ZNF385D: variants seen among roughly 807,000 people sequenced by gnomAD.
ZNF385D encodes the protein zinc finger protein 385D.
Under a neutral mutation model 35.8 loss-of-function variants are expected in ZNF385D, and 15 were observed. The observed-to-expected ratio is 0.42, with a 90% CI of 0.28 to 0.64. ZNF385D has a LOEUF of 0.64. Among genes scored for constraint, ZNF385D ranks in the 30% least tolerant of loss-of-function variants. The probability of loss-of-function intolerance (pLI) is 0.23; values close to 1 mark genes in which losing one functional copy is unlikely to be tolerated. For missense variants in ZNF385D, 474 were observed against 494.6 expected, an observed-to-expected ratio of 0.96 and a Z score of 0.39; for synonymous variants, 212 against 186.8, an observed-to-expected ratio of 1.13 and a Z score of -1.10.
At chr3:22,037,110 G>A (rs1463857791) in intron 3 of ZNF385D, among the ~76,000 whole-genome samples, 7 of 151,860 alleles carry the variant, frequency 4.6e-5, no homozygotes, top group South Asian at 2.1e-4. Context: ...CCAGTCTATC[G>A]TTGTTGGGTA....
chr3:22,107,708 T>C (rs1045117816), intron 3 of ZNF385D, among the ~76,000 whole-genome samples: 6 of 152,154 alleles, frequency 3.9e-5, no homozygotes, highest in Non-Finnish European at 8.8e-5. Context: ...TTCCTTCTAG[T>C]CTTTTTTCTG....
At chr3:21,964,427 A>G (rs1386619723) in intron 3 of ZNF385D, among the ~76,000 whole-genome samples, 2 of 87,098 alleles carry the variant, frequency 2.3e-5, no homozygotes, top group East Asian at 3.0e-4. Context: ...AAAAAAAAAA[A>G]AAAAAGAAAA....
intron 3 of ZNF385D, among the ~76,000 whole-genome samples, chr3:22,166,701 T>C (rs770175301): frequency 3.3e-5 from 5 of 152,252 alleles, no homozygotes; most frequent in Non-Finnish European, 7.3e-5. Flanking sequence ...ATACCTACTA[T>C]CGTGGTTTGA....
intron 2 of ZNF385D, among the ~76,000 whole-genome samples, chr3:21,568,113 C>T (rs1267218452): frequency 6.6e-6 from 1 of 151,908 alleles, no homozygotes; most frequent in Non-Finnish European, 1.5e-5. Context: ...TATAGATACA[C>T]CATCAAAAGT....
chr3:21,420,051 CTGT>C lies in ZNF385D; in HGVS notation c.*1160_*1162del, dbSNP rs1388332656. 2 of 151,912 alleles carry C rather than the reference CTGT, an allele frequency of 1.3e-5. No individual in the cohort carries two copies. The highest frequency in any genetic ancestry group is 2.4e-5 in the African/African-American group (1 of 41,346). 9.4% of individuals were successfully genotyped at this position (151,912 alleles called of 1,614,324 possible). A position where few individuals can be genotyped will look rare whatever the true frequency, so the allele number is the denominator to read the frequency against. On this transcript the variant is annotated 3_prime_UTR_variant, in exon 8 of 8. Transcript: ENST00000281523. ...TGCAATTAACTCAGATTCATATTTCCTGTTGTTATTAACATTTAAATATATATT... is the reference window on the plus strand; with the variant it reads ...TGCAATTAACTCAGATTCATATTTCCTGTTATTAACATTTAAATATATATT...
intron 3 of ZNF385D, among the ~76,000 whole-genome samples, chr3:21,757,134 T>TTTTTTTTTTTG (rs1553654008): frequency 1.6e-5 from 2 of 128,272 alleles, no homozygotes; most frequent in African/African-American, 5.9e-5. Flanking sequence ...TTTTTTTTTT[T>TTTTTTTTTTTG]TTTTTGTTTT....
At chr3:22,129,232 G>C (rs746782505) in intron 3 of ZNF385D, among the ~76,000 whole-genome samples, 1 of 152,126 alleles carries the variant, frequency 6.6e-6, no homozygotes, top group South Asian at 2.1e-4. Context: ...CTGGAGGAGT[G>C]GTGACACAAG....
chr3:21,811,320 A>G (rs1469313390), intron 3 of ZNF385D, among the ~76,000 whole-genome samples: 6 of 152,102 alleles, frequency 3.9e-5, no homozygotes, highest in Non-Finnish European at 5.9e-5. Context: ...ACTTTTTGGG[A>G]AAATTGCTGA....
At chr3:21,512,145 C>CAAAAAAAAAAAAAAAAAAAA (rs35276805) in intron 3 of ZNF385D, among the ~76,000 whole-genome samples, 1 of 90,352 alleles carries the variant, frequency 1.1e-5, no homozygotes, top group Non-Finnish European at 2.1e-5. Flanking sequence ...GACTCCATCT[C>CAAAAAAAAAAAAAAAAAAAA]AAAAAAAAAA....
chr3:21,665,114 G>C, intron 1 of ZNF385D, 86 bp from the exon 2 acceptor site: 1 of 1,450,684 alleles, frequency 6.9e-7, no homozygotes, highest in Non-Finnish European at 9.1e-7. Context: ...AAAAAGGCCA[G>C]CTTTGTGGGT....
At chr3:21,566,846 C>G (rs1375303178) in intron 2 of ZNF385D, among the ~76,000 whole-genome samples, 1 of 152,184 alleles carries the variant, frequency 6.6e-6, no homozygotes, top group Non-Finnish European at 1.5e-5. Flanking sequence ...TGGTCATTCT[C>G]TGCCTCCTCC....
intron 2 of ZNF385D, among the ~76,000 whole-genome samples, chr3:21,570,722 A>C (rs1033460702): frequency 6.6e-6 from 1 of 152,128 alleles, no homozygotes; most frequent in Non-Finnish European, 1.5e-5. Flanking sequence ...TCACATAACT[A>C]GTAAGTGGGA....
In ZNF385D at chr3:21,420,320, TAGA is replaced by T. The variant is rs766115130; in HGVS notation, c.*891_*893del. 60 of 152,336 alleles carry T rather than the reference TAGA, an allele frequency of 3.9e-4. No individual in the cohort carries two copies. The highest frequency in any genetic ancestry group is 1.2e-3 in the African/African-American group (48 of 41,584). 9.4% of individuals were successfully genotyped at this position (152,336 alleles called of 1,614,324 possible). A position where few individuals can be genotyped will look rare whatever the true frequency, so the allele number is the denominator to read the frequency against. On this transcript the variant is annotated 3_prime_UTR_variant, in exon 8 of 8. Transcript: ENST00000281523. ...AGGTTATGATTCTTCATCCTTGAAA[TAGA>T]AGAGTTGTATTGATTTCTTTCTTAA...
At chr3:21,664,767 G>T in intron 2 of ZNF385D, 119 bp downstream of exon 2, 1 of 1,377,424 alleles carries the variant, frequency 7.3e-7, no homozygotes, top group Non-Finnish European at 1.0e-6. Context: ...ATGGCTTCTA[G>T]ACAAACCATG....
chr3:21,886,705 T>C lies in ZNF385D; in HGVS notation c.326-221677A>G, dbSNP rs566205508. On this transcript the variant is annotated intron_variant, in intron 3 of 5. Transcript: ENST00000494108. The stretch of plus-strand genomic sequence containing the variant: ...GCTGATATATATTTATGTGATAGCA[T>C]CTAGTCAACATTTGCCAAAGAGAAT... Among the ~76,000 whole-genome samples the C allele has an allele frequency of 4.6e-5, 7 of 152,284 alleles. No individual in the cohort carries two copies. The East Asian group carries it at 1.2e-3, about 25-fold the overall frequency.
Position 21,510,931 on chromosome 3 carries a change from G to A in ZNF385D, c.369C>T (p.Ala123=). ...TGAAGGTAGTCTTTGCGCTGTCCTT[G>A]GCAGTTACAGATTTCTGCTTATTTT... is the stretch of plus-strand genomic sequence containing the variant. ...AMKNKQKSVT[A]KDSAKTTFTS... is the part of the protein sequence containing the mutation. Residue 123 remains alanine, a synonymous_variant, in exon 4 of 8, where the codon GCC becomes GCT. Coordinates refer to ENST00000281523, the MANE Select transcript of ZNF385D (RefSeq NM_024697.3). 1 of 1,614,074 alleles carries A rather than the reference G, an allele frequency of 6.2e-7. No individual in the cohort carries two copies.
chr3:21,600,877 AAAT>A (rs1176013389), intron 2 of ZNF385D, among the ~76,000 whole-genome samples: 2 of 117,494 alleles, frequency 1.7e-5, no homozygotes, highest in Non-Finnish European at 3.4e-5. Context: ...TCAAATTTAA[AAAT>A]AATAAGTCAA....
intron 3 of ZNF385D, among the ~76,000 whole-genome samples, chr3:22,012,710 A>T (rs79673189): frequency 0.049 from 7,499 of 152,254 alleles, 258 homozygotes; most frequent in East Asian, 0.16. Flanking sequence ...GGGAAACTTC[A>T]TGAGTTCCCA....
At chr3:21,939,558 C>T (rs1701418488) in intron 3 of ZNF385D, among the ~76,000 whole-genome samples, 3 of 151,980 alleles carry the variant, frequency 2.0e-5, no homozygotes, top group Admixed American at 2.0e-4. Context: ...CAATCAAGCC[C>T]TGTTGAGCTC....
Sources: gnomAD v4.1 joint callset for allele counts (sites outside exome capture counted in the v4.1 genomes callset) on GRCh38, gnomAD v4.1.1 for gene constraint, MANE v1.5 for transcripts, NCBI Gene and HGNC (gene_info 2026-07-23, HGNC 2026-07-21) for gene names.